The following SLC25A47 variants were observed in gnomAD, a reference collection of about 807,000 sequenced individuals.
SLC25A47 encodes the protein solute carrier family 25 member 47, also known as HCC-down-regulated mitochondrial carrier protein.
A neutral mutation model predicts 29.8 loss-of-function variants in SLC25A47; 30 were observed. The observed-to-expected ratio is 1.01, with a 90% CI of 0.75 to 1.36. SLC25A47 has a LOEUF of 1.36. Ranked by LOEUF, SLC25A47 falls within the 40% of genes most tolerant of loss-of-function variation. The probability of loss-of-function intolerance (pLI) is 0.00; values close to 1 mark genes in which losing one functional copy is unlikely to be tolerated. For synonymous variants in SLC25A47, 204 were observed against 197.8 expected, an observed-to-expected ratio of 1.03 and a Z score of -0.26; for missense variants, 430 against 441.9, an observed-to-expected ratio of 0.97 and a Z score of 0.24.
chr14:100,327,477 T>C, intron 4 of SLC25A47, 107 bp downstream of exon 4: 1 of 1,251,968 alleles, frequency 8.0e-7, no homozygotes, highest in East Asian at 2.5e-5. Context: ...GGGCAGACAC[T>C]GGAGGCCATG....
intron 4 of SLC25A47, among the ~76,000 whole-genome samples, chr14:100,327,640 C>T (rs949204743): frequency 3.9e-5 from 6 of 152,322 alleles, no homozygotes; most frequent in Admixed American, 2.0e-4. Context: ...CTCCCTGTCA[C>T]GGTCAGAAGG....
intron 1 of SLC25A47, among the ~76,000 whole-genome samples, chr14:100,323,713 C>T (rs980597407): frequency 1.1e-4 from 16 of 151,756 alleles, no homozygotes; most frequent in Non-Finnish European, 1.9e-4. Context: ...GGGGGCCGCT[C>T]GGGAGGCAGA....
Position 100,329,911 on chromosome 14 carries a change from T to C in SLC25A47, c.*266T>C. ...GGAGTGGGCCTCTTTGATGAGAGCG[T>C]TGAGTTGCATGGAGTCGGTTGTTCA... On this transcript the variant is annotated 3_prime_UTR_variant, in exon 6 of 6. Coordinates refer to ENST00000361529, the MANE Select transcript of SLC25A47 (RefSeq NM_207117.4). The C allele has an allele frequency of 3.7e-6, 2 of 533,880 alleles. No individual in the cohort carries two copies. The highest frequency in any genetic ancestry group is 3.4e-5 in the Admixed American group (1 of 29,746). 33.1% of individuals were successfully genotyped at this position (533,880 alleles called of 1,614,324 possible). A position where few individuals can be genotyped will look rare whatever the true frequency, so the allele number is the denominator to read the frequency against.
intron 4 of SLC25A47, among the ~76,000 whole-genome samples, chr14:100,327,742 C>A (rs561774522): frequency 6.6e-6 from 1 of 152,382 alleles, no homozygotes; most frequent in African/African-American, 2.4e-5. Flanking sequence ...TCGGCCATTG[C>A]TGGATGTGGG....
chr14:100,325,851 C>G lies in SLC25A47; in HGVS notation c.72+20C>G, dbSNP rs752826345. ...GTGAAGGTGCGGCAATAGCCAGCCC[C>G]CCAACCATCCTAAGGCCCCTGCACC... On this transcript the variant is annotated intron_variant, in intron 2 of 5. Coordinates refer to ENST00000361529, the MANE Select transcript of SLC25A47 (RefSeq NM_207117.4). 1.9e-6 allele frequency: 3 copies of G among 1,608,944 alleles called. No individual in the cohort carries two copies. The Admixed American group carries it at 5.0e-5, about 27-fold the overall frequency.
At chr14:100,329,172 C>G in intron 5 of SLC25A47, 128 bp downstream of exon 5, 1 of 1,225,884 alleles carries the variant, frequency 8.2e-7, no homozygotes, top group Non-Finnish European at 1.1e-6. Flanking sequence ...AGAGTGGGCT[C>G]CTCAGTTCTC....
Position 100,327,360 on chromosome 14 carries a change from G to C in SLC25A47, c.317G>C (p.Gly106Ala). The C allele has an allele frequency of 6.3e-7, 1 of 1,595,250 alleles. No individual in the cohort carries two copies. ...ATCACGCTCTCGGGATGCGCCTCCG[G>C]CCTCGTCCGCGTGAGTAGGGGCAGC... ...ADITLSGCAS[G>A]LVRVFLTSPT... The change falls in exon 4 of 6, where the codon GGC (glycine) becomes GCC (alanine). Residue 106 changes from glycine (G) to alanine (A), a missense_variant. Coordinates refer to ENST00000361529, the MANE Select transcript of SLC25A47 (RefSeq NM_207117.4).
intron 4 of SLC25A47, among the ~76,000 whole-genome samples, chr14:100,328,324 GCTGGTCTCAAACTC>G (rs1424536531): frequency 1.3e-5 from 2 of 152,182 alleles, no homozygotes; most frequent in African/African-American, 4.8e-5. Flanking sequence ...TATTGGCCAG[GCTGGTCTCAAACTC>G]CTGATCTCGT....
intron 4 of SLC25A47, 149 bp downstream of exon 4, chr14:100,327,519 G>A (rs927772495): frequency 1.5e-5 from 14 of 926,380 alleles, no homozygotes; most frequent in South Asian, 1.4e-4. Context: ...AGAAGAACTC[G>A]CATCCCGCCT....
At chr14:100,324,915 G>A (rs138566021) in intron 1 of SLC25A47, among the ~76,000 whole-genome samples, 1 of 152,294 alleles carries the variant, frequency 6.6e-6, no homozygotes, top group Non-Finnish European at 1.5e-5. Context: ...AGCCTGGTGA[G>A]GTGTGTGAGG....
Position 100,327,227 on chromosome 14 carries a change from A to G in SLC25A47, c.184A>G (p.Thr62Ala), listed in dbSNP as rs1204365543. The G allele has an allele frequency of 3.1e-6, 5 of 1,609,860 alleles. No homozygotes were observed. Among genetic ancestry groups the G allele is most frequent in the Admixed American group, 1.7e-5 (1 of 60,000 alleles). Residue 62 changes from threonine to alanine, a missense_variant, in exon 4 of 6, where the codon ACG (threonine) becomes GCG (alanine). Transcript: ENST00000361529. ...FYRGLSLPVC[T>A]VSLVSSVSFG... ...CCGGGGCCTCTCGCTGCCCGTGTGC[A>G]CGGTGTCCCTGGTATCTTCCGTGTC...
intron 3 of SLC25A47, among the ~76,000 whole-genome samples, chr14:100,326,638 G>A (rs1395046579): frequency 6.6e-6 from 1 of 152,218 alleles, no homozygotes; most frequent in Admixed American, 6.5e-5. Context: ...GCAGGCCAGG[G>A]GCTAGTTTGT....
Position 100,327,184 on chromosome 14 carries a change from C to T in SLC25A47, c.145-4C>T. On this transcript the variant is annotated splice_region_variant and splice_polypyrimidine_tract_variant and intron_variant, in intron 3 of 5. Coordinates refer to ENST00000361529, the MANE Select transcript of SLC25A47 (RefSeq NM_207117.4). The stretch of plus-strand genomic sequence containing the variant: ...CCTAGCCTGACCTGGATCCTGTCTG[C>T]TAGGTGTGGGGCTTCTACCGGGGCC... 1 of 1,599,088 alleles carries T rather than the reference C, an allele frequency of 6.3e-7. No individual in the cohort carries two copies. The highest frequency in any genetic ancestry group is 8.5e-7 in the Non-Finnish European group (1 of 1,173,210).
Position 100,328,948 on chromosome 14 carries a change from G to A in SLC25A47, c.550G>A (p.Ala184Thr). The A allele has an allele frequency of 6.2e-7, 1 of 1,605,160 alleles. No homozygotes were observed. The highest frequency in any genetic ancestry group is 8.5e-7 in the Non-Finnish European group (1 of 1,179,894). ...GLCGLYKGSS[A>T]LVLRDGHSFA... ...GTGCGGCCTCTACAAGGGCAGCTCG[G>A]CCCTGGTCTTACGGGACGGCCACTC... The change falls in exon 5 of 6, where the codon GCC becomes ACC. Residue 184 changes from alanine to threonine, a missense_variant. Coordinates refer to ENST00000361529, the MANE Select transcript of SLC25A47 (RefSeq NM_207117.4).
Position 100,326,034 on chromosome 14 carries a change from C to G in SLC25A47, c.73-123C>G, listed in dbSNP as rs1030585058. 1.0e-5 allele frequency: 10 copies of G among 996,868 alleles called. No individual in the cohort carries two copies. The African/African-American group carries it at 1.3e-4, about 13-fold the overall frequency. The allele number at this position is 996,868 out of a possible 1,614,324, so 61.8% of individuals were successfully genotyped here. On this transcript the variant is annotated intron_variant, in intron 2 of 5. Transcript: ENST00000361529. Reference sequence around the variant, plus strand: ...TCGTCTAACACAAGGCTCCCTGTCCCTGCTGTGCCACCGTCCAGCATGGCT... The same window carrying G: ...TCGTCTAACACAAGGCTCCCTGTCCGTGCTGTGCCACCGTCCAGCATGGCT...
At chr14:100,326,902 A>C (rs1445504409) in intron 3 of SLC25A47, among the ~76,000 whole-genome samples, 1 of 152,104 alleles carries the variant, frequency 6.6e-6, no homozygotes, top group Non-Finnish European at 1.5e-5. Flanking sequence ...TGAACCTGGG[A>C]TGCGGAGGTT....
At chr14:100,329,144 C>G in intron 5 of SLC25A47, 100 bp downstream of exon 5, 2 of 1,378,662 alleles carry the variant, frequency 1.5e-6, no homozygotes, top group Non-Finnish European at 2.0e-6. Flanking sequence ...GGGGCTTGAA[C>G]TTGGCCTCCT....
Position 100,328,801 on chromosome 14 carries a change from C to T in SLC25A47, c.403C>T (p.Arg135Trp), listed in dbSNP as rs376179508. The change falls in exon 5 of 6, where the codon CGG becomes TGG. Residue 135 changes from arginine (R) to tryptophan (W), a missense_variant. By Grantham distance (101) the Arg-to-Trp change is moderately radical. Coordinates refer to ENST00000361529, the MANE Select transcript of SLC25A47 (RefSeq NM_207117.4). ...TQTQAQKQQR[R>W]LSASGPLAVP... ...GACACAGGCGCAGAAGCAGCAGCGG[C>T]GGCTTTCGGCCTCGGGGCCGTTGGC... 9 of 1,612,812 alleles carry T rather than the reference C, an allele frequency of 5.6e-6. No individual in the cohort carries two copies. The highest frequency in any genetic ancestry group is 2.2e-5 in the East Asian group (1 of 44,892).
intron 4 of SLC25A47, 131 bp from the exon 5 acceptor site, chr14:100,328,594 TG>T: frequency 3.2e-6 from 3 of 928,902 alleles, no homozygotes; most frequent in Non-Finnish European, 5.0e-6. Flanking sequence ...CCCCCAGCCC[TG>T]GGCCAGCCTG....
Sources: gnomAD v4.1 joint callset for allele counts (sites outside exome capture counted in the v4.1 genomes callset) on GRCh38, gnomAD v4.1.1 for gene constraint, MANE v1.5 for transcripts, NCBI Gene and HGNC (gene_info 2026-07-23, HGNC 2026-07-21) for gene names.